The following MAGED1 variants were observed in gnomAD, a reference collection of about 807,000 sequenced individuals.
The protein encoded by MAGED1 is MAGE family member D1.
In MAGED1, 3 loss-of-function variants were observed where a neutral mutation model predicts 54.1. The ratio of observed to expected loss-of-function variants is 0.06; its 90% CI spans 0.03 to 0.14. The LOEUF (loss-of-function observed/expected upper bound fraction) is 0.14, where lower values mean the gene tolerates loss of function less well. Ranked by LOEUF, MAGED1 falls within the 10% of genes least tolerant of loss-of-function variation. MAGED1 has a pLI of 1.00. For synonymous variants in MAGED1, 217 were observed against 227.3 expected (o/e 0.95, Z 0.41); for missense variants, 485 against 623.4 (o/e 0.78, Z 2.36).
chrX:51,893,209 A>G (rs1928514649), upstream of MAGED1, among the ~76,000 whole-genome samples: 1 of 110,616 alleles, frequency 9.0e-6, no homozygotes, highest in Non-Finnish European at 1.9e-5. Context: ...ACTTGTTGCA[A>G]TTAGAGACCC....
At chrX:51,882,258 A>G (rs1161977552) in intron 1 of MAGED1, among the ~76,000 whole-genome samples, 1 of 111,939 alleles carries the variant, frequency 8.9e-6, no homozygotes, top group Non-Finnish European at 1.9e-5. Context: ...AATAAGTGCT[A>G]TTCATATTGT....
chrX:51,874,116 G>C (rs1927787395), intron 1 of MAGED1, among the ~76,000 whole-genome samples: 2 of 111,507 alleles, frequency 1.8e-5, no homozygotes, highest in Non-Finnish European at 3.8e-5. Flanking sequence ...TCACGATGGT[G>C]CTAGATACAG....
chrX:51,809,554 A>G (rs782676696), intron 1 of MAGED1, among the ~76,000 whole-genome samples: 1 of 111,499 alleles, frequency 9.0e-6, no homozygotes, highest in Non-Finnish European at 1.9e-5. Context: ...CGTGTTTCCT[A>G]TTTACTGACA....
At chrX:51,887,012 C>T (rs1418055399) in intron 1 of MAGED1, among the ~76,000 whole-genome samples, 1 of 107,005 alleles carries the variant, frequency 9.3e-6, no homozygotes, top group East Asian at 2.9e-4. Flanking sequence ...GCCATGATCG[C>T]ACCATTGCAC....
rs782787181 is a variant in MAGED1 at position 51,822,879 on chromosome X, A to T, written c.-37+19762A>T. On this transcript the variant is annotated intron_variant, in intron 1 of 12. Coordinates refer to the MAGED1 transcript ENST00000375772. ...TGTGTTTAAGTTTTCATTAATTTCA[A>T]AGAACTCTCTCATTTCCTGTGTAGA... Among the ~76,000 whole-genome samples the T allele has an allele frequency of 6.3e-5, 7 of 111,697 alleles. No homozygotes were observed. The East Asian group carries it at 2.0e-3, about 31-fold the overall frequency.
chrX:51,862,460 C>A (rs953763846), intron 1 of MAGED1, among the ~76,000 whole-genome samples: 8 of 111,401 alleles, frequency 7.2e-5, no homozygotes, highest in African/African-American at 2.3e-4. Flanking sequence ...CCTATCCAAT[C>A]ACACCTTCCT....
chrX:51,891,216 G>A (rs1928426903), upstream of MAGED1, among the ~76,000 whole-genome samples: 1 of 112,589 alleles, frequency 8.9e-6, no homozygotes, highest in South Asian at 3.6e-4. Flanking sequence ...TTAAAAACAA[G>A]TGTTTGGCAG....
chrX:51,845,534 G>T lies in MAGED1; in HGVS notation c.-37+42417G>T, dbSNP rs781933391. On this transcript the variant is annotated intron_variant, in intron 1 of 12. Transcript: ENST00000375772. ...TATGCCTGTTTCACCTTTGTATTTT[G>T]GGAGCAGATAATTCGTTTTGCAGTT... Among the ~76,000 whole-genome samples, 4 of 111,226 alleles carry T rather than the reference G, an allele frequency of 3.6e-5. No homozygotes were observed. The East Asian group carries it at 8.6e-4, about 24-fold the overall frequency.
Position 51,867,195 on chromosome X carries a change from C to G in MAGED1, c.-36-27074C>G, listed in dbSNP as rs148595889. ...AGCAATGGTGAAAAACCACAAGACTCTGGGCCAAAAGTGGGCCACTTGATG... is the reference window on the plus strand; with the variant it reads ...AGCAATGGTGAAAAACCACAAGACTGTGGGCCAAAAGTGGGCCACTTGATG... On this transcript the variant is annotated intron_variant, in intron 1 of 12. Transcript: ENST00000375772. 2.3e-4 allele frequency among the ~76,000 whole-genome samples: 26 copies of G among 111,924 alleles called. 2 individuals are homozygous for G. The East Asian group carries it at 7.1e-3, about 31-fold the overall frequency.
intron 1 of MAGED1, among the ~76,000 whole-genome samples, chrX:51,868,490 A>G (rs560760812): frequency 9.0e-6 from 1 of 111,173 alleles, no homozygotes; most frequent in African/African-American, 3.3e-5. Context: ...TATGTGTGAT[A>G]ATGGTGTCAA....
chrX:51,859,799 A>G (rs1238424192), intron 1 of MAGED1, among the ~76,000 whole-genome samples: 1 of 111,428 alleles, frequency 9.0e-6, no homozygotes, highest in Non-Finnish European at 1.9e-5. Context: ...CAGAGAGGGA[A>G]GAAGATGCTA....
intron 11 of MAGED1, among the ~76,000 whole-genome samples, chrX:51,901,082 G>T (rs1929000984): frequency 1.8e-5 from 2 of 112,003 alleles, no homozygotes; most frequent in Non-Finnish European, 3.8e-5. Context: ...TTTTTGTGAT[G>T]AGAACATTTA....
intron 1 of MAGED1, among the ~76,000 whole-genome samples, chrX:51,848,341 A>G (rs782530627): frequency 2.7e-5 from 3 of 111,484 alleles, no homozygotes; most frequent in African/African-American, 9.8e-5. Flanking sequence ...CTTATTGTGT[A>G]TTTTAACCAA....
At chrX:51,882,248 A>T (rs1382393585) in intron 1 of MAGED1, among the ~76,000 whole-genome samples, 1 of 111,846 alleles carries the variant, frequency 8.9e-6, no homozygotes, top group Non-Finnish European at 1.9e-5. Flanking sequence ...AAGACCACCA[A>T]ATAAGTGCTA....
chrX:51,892,046 A>C (rs1557363541), upstream of MAGED1, among the ~76,000 whole-genome samples: 2 of 112,481 alleles, frequency 1.8e-5, no homozygotes. Flanking sequence ...AGTCCTTCCT[A>C]GCATTAGCTT....
intron 10 of MAGED1, chrX:51,899,310 ATT>A (rs1928901520): frequency 9.1e-6 from 1 of 109,341 alleles, no homozygotes; most frequent in Non-Finnish European, 1.9e-5. Context: ...CGCCCACCTA[ATT>A]TTGTCTTCTT....
chrX:51,806,790 A>AT (rs141901720), intron 1 of MAGED1, among the ~76,000 whole-genome samples: 62 of 99,435 alleles, frequency 6.2e-4, no homozygotes, highest in Non-Finnish European at 8.1e-4. Context: ...TCCTAACATA[A>AT]TTTTTTTTTT....
chrX:51,883,596 G>A (rs1928136708), intron 1 of MAGED1, among the ~76,000 whole-genome samples: 1 of 112,333 alleles, frequency 8.9e-6, no homozygotes, highest in African/African-American at 3.2e-5. Context: ...AGTGAGAACT[G>A]TAATAATCAC....
intron 1 of MAGED1, among the ~76,000 whole-genome samples, chrX:51,826,144 A>T (rs1557356950): frequency 1.8e-5 from 2 of 112,215 alleles, no homozygotes; most frequent in Admixed American, 1.9e-4. Flanking sequence ...AGTTCTGTAG[A>T]TTTTGTTGCC....
Sources: gnomAD v4.1 joint callset for allele counts (sites outside exome capture counted in the v4.1 genomes callset) on GRCh38, gnomAD v4.1.1 for gene constraint, MANE v1.5 for transcripts, NCBI Gene and HGNC (gene_info 2026-07-23, HGNC 2026-07-21) for gene names.